The following PTPRM variants were observed in gnomAD, a reference collection of about 807,000 sequenced individuals.
The protein encoded by PTPRM is receptor-type tyrosine-protein phosphatase mu.
A neutral mutation model predicts 186.7 loss-of-function variants in PTPRM; 47 were observed. The ratio of observed to expected loss-of-function variants is 0.25; its 90% CI spans 0.20 to 0.32. PTPRM has a LOEUF of 0.32. PTPRM is among the 10% of genes least tolerant of loss of function. PTPRM has a pLI of 1.00. For missense variants in PTPRM, 1,494 were observed against 1,865.0 expected (o/e 0.80, Z 3.66); for synonymous variants, 668 against 674.9 (o/e 0.99, Z 0.16).
Position 8,289,563 on chromosome 18 carries a change from CATATATATATAT to C in PTPRM, c.2755-6803_2755-6792del, listed in dbSNP as rs72435328. ...ATATATATATATACATATATATACA[CATATATATATAT>C]ACATATATATATACACATATATATA... On this transcript the variant is annotated intron_variant, in intron 19 of 32. Transcript: ENST00000580170. Among the ~76,000 whole-genome samples, 739 of 106,202 alleles carry C rather than the reference CATATATATATAT, an allele frequency of 7.0e-3. 30 individuals are homozygous for C. The highest frequency in any genetic ancestry group is 0.028 in the African/African-American group (675 of 24,126). 69.7% of individuals were successfully genotyped at this position (106,202 alleles called of 152,430 possible).
At chr18:8,241,224 A>G (rs1010039306) in intron 14 of PTPRM, among the ~76,000 whole-genome samples, 1 of 152,114 alleles carries the variant, frequency 6.6e-6, no homozygotes, top group Non-Finnish European at 1.5e-5. Flanking sequence ...TGTAGTCTCA[A>G]CTACTTGTTA....
At chr18:8,208,432 T>G (rs118026687) in intron 14 of PTPRM, among the ~76,000 whole-genome samples, 2,654 of 152,282 alleles carry the variant, frequency 0.017, 39 homozygotes, top group Non-Finnish European at 0.028. Context: ...AAGTAGCTTA[T>G]TTGTACTATG....
Position 8,187,107 on chromosome 18 carries a change from T to G in PTPRM, c.2300+43328T>G, listed in dbSNP as rs114962444. 8.6e-3 allele frequency among the ~76,000 whole-genome samples: 1,301 copies of G among 152,018 alleles called. 21 individuals carry two copies. Among genetic ancestry groups the G allele is most frequent in the African/African-American group, 0.03 (1,246 of 41,470 alleles). Reference sequence around the variant, plus strand: ...GGCGCATGCCACCACGCTGGGCAAATTTTTGTATTTTTAGCAGAGAAGGGT... The same window carrying G: ...GGCGCATGCCACCACGCTGGGCAAAGTTTTGTATTTTTAGCAGAGAAGGGT... On this transcript the variant is annotated intron_variant, in intron 14 of 32. Coordinates refer to ENST00000580170, the MANE Select transcript of PTPRM (RefSeq NM_001105244.2).
chr18:7,615,047 A>G (rs1485685324), intron 1 of PTPRM, among the ~76,000 whole-genome samples: 1 of 152,114 alleles, frequency 6.6e-6, no homozygotes, highest in African/African-American at 2.4e-5. Flanking sequence ...TTTTTTCTGT[A>G]TGTTAACATT....
At chr18:8,171,329 C>T (rs1232333776) in intron 14 of PTPRM, among the ~76,000 whole-genome samples, 1 of 152,144 alleles carries the variant, frequency 6.6e-6, no homozygotes, top group Non-Finnish European at 1.5e-5. Flanking sequence ...ACAGCCACAG[C>T]CTGCTAGGTA....
At chr18:7,928,424 G>A (rs2051297266) in intron 5 of PTPRM, among the ~76,000 whole-genome samples, 1 of 151,930 alleles carries the variant, frequency 6.6e-6, no homozygotes, top group Admixed American at 6.6e-5. Context: ...TTAAACTCTT[G>A]ATGTTAAAAT....
chr18:7,662,122 G>A (rs938038388), intron 1 of PTPRM, among the ~76,000 whole-genome samples: 5 of 152,044 alleles, frequency 3.3e-5, no homozygotes, highest in Admixed American at 2.0e-4. Flanking sequence ...TTTTTGTAGA[G>A]ATGAGGTTTC....
chr18:8,317,313 T>C (rs1168280033), intron 21 of PTPRM, among the ~76,000 whole-genome samples: 1 of 151,960 alleles, frequency 6.6e-6, no homozygotes, highest in Non-Finnish European at 1.5e-5. Flanking sequence ...GGGTCAAGGA[T>C]GCTGAGGAGA....
In PTPRM at chr18:8,349,305, C is replaced by T. The variant is rs140481799; in HGVS notation, c.3054+5785C>T. On this transcript the variant is annotated intron_variant, in intron 23 of 32. Coordinates refer to ENST00000580170, the MANE Select transcript of PTPRM (RefSeq NM_001105244.2). ...TTAGTAATCGTTTTTACTACAAAAT[C>T]TCTTGAGTTGTTCCAAGACATCAAA... is the stretch of plus-strand genomic sequence containing the variant. Among the ~76,000 whole-genome samples, 1,356 of 152,296 alleles carry T rather than the reference C, an allele frequency of 8.9e-3. 6 individuals carry two copies. The highest frequency in any genetic ancestry group is 0.014 in the African/African-American group (594 of 41,560).
intron 1 of PTPRM, among the ~76,000 whole-genome samples, chr18:7,623,944 T>C (rs892197579): frequency 6.6e-6 from 1 of 152,072 alleles, no homozygotes; most frequent in African/African-American, 2.4e-5. Context: ...TGGAGTGAAC[T>C]GTGAGACCAA....
At chr18:8,300,452 T>C (rs910763288) in intron 20 of PTPRM, among the ~76,000 whole-genome samples, 1 of 152,066 alleles carries the variant, frequency 6.6e-6, no homozygotes, top group African/African-American at 2.4e-5. Flanking sequence ...ATCTCACTTC[T>C]TCATTACTTC....
chr18:7,719,809 C>G (rs2040413026), intron 1 of PTPRM, among the ~76,000 whole-genome samples: 1 of 152,120 alleles, frequency 6.6e-6, no homozygotes, highest in African/African-American at 2.4e-5. Context: ...GTGAAACTAC[C>G]TCTTTACAGA....
chr18:7,984,076 A>C (rs1599859675), intron 7 of PTPRM, among the ~76,000 whole-genome samples: 1 of 152,156 alleles, frequency 6.6e-6, no homozygotes, highest in East Asian at 1.9e-4. Context: ...TCTTTACATA[A>C]TAGTCTCCAA....
intron 2 of PTPRM, among the ~76,000 whole-genome samples, chr18:7,880,586 G>C (rs1398391329): frequency 6.6e-6 from 1 of 152,224 alleles, no homozygotes; most frequent in Admixed American, 6.5e-5. Context: ...CTTGGAGACT[G>C]TGGTTTCATC....
chr18:7,653,785 C>T (rs916877171), intron 1 of PTPRM, among the ~76,000 whole-genome samples: 8 of 152,158 alleles, frequency 5.3e-5, no homozygotes, highest in African/African-American at 1.9e-4. Flanking sequence ...CATACACATG[C>T]ATGTGTCTTT....
intron 1 of PTPRM, among the ~76,000 whole-genome samples, chr18:7,654,663 C>T (rs1010741730): frequency 6.6e-6 from 1 of 152,184 alleles, no homozygotes; most frequent in Admixed American, 6.5e-5. Context: ...CAATCTTCTG[C>T]ATATGGCTAG....
At chr18:8,164,725 G>A (rs139963437) in intron 14 of PTPRM, among the ~76,000 whole-genome samples, 183 of 152,272 alleles carry the variant, frequency 1.2e-3, no homozygotes, top group African/African-American at 4.1e-3. Context: ...GATGTTTAAT[G>A]GCTAGAGAGT....
Position 8,370,528 on chromosome 18 carries a change from A to T in PTPRM, c.3055-362A>T, listed in dbSNP as rs188349159. Among the ~76,000 whole-genome samples, 823 of 152,370 alleles carry T rather than the reference A, an allele frequency of 5.4e-3. 5 individuals carry two copies. The highest frequency in any genetic ancestry group is 9.4e-3 in the Non-Finnish European group (638 of 68,028). ...TTTCAATCACTTTCTGAAACTAGAA[A>T]TAATTCAAAAGAAGAGCTAAAATAT... On this transcript the variant is annotated intron_variant, in intron 23 of 32. Coordinates refer to ENST00000580170, the MANE Select transcript of PTPRM (RefSeq NM_001105244.2).
rs151236916 is a variant in PTPRM, at chr18:8,188,892, A to G, written c.2300+45113A>G. ...TTATTTGAAATTTTATGGCATAAAT[A>G]TAAGTCATAAGCCACTGGATTATTA... On this transcript the variant is annotated intron_variant, in intron 14 of 32. Transcript: ENST00000580170. Among the ~76,000 whole-genome samples, 492 of 152,344 alleles carry G rather than the reference A, an allele frequency of 3.2e-3. 2 individuals are homozygous for G. The Middle Eastern group carries it at 0.037, about 12-fold the overall frequency.
Sources: allele counts gnomAD v4.1 joint callset (sites outside exome capture counted in the v4.1 genomes callset), GRCh38; gene constraint gnomAD v4.1.1; transcripts MANE v1.5; gene names NCBI Gene and HGNC (gene_info 2026-07-23, HGNC 2026-07-21).